Variants in HYKK observed in about 807,000 individuals in gnomAD.
HYKK encodes the protein hydroxylysine kinase.
A neutral mutation model predicts 29.7 loss-of-function variants in HYKK; 19 were observed. That is an observed-to-expected ratio of 0.64 (90% CI 0.45 to 0.94). The LOEUF is 0.94. Among genes scored for constraint, HYKK ranks in the 40% least tolerant of loss-of-function variants. The pLI, the probability that HYKK is intolerant of heterozygous loss-of-function variation, is 0.00. For missense variants in HYKK, 390 were observed against 443.4 expected (o/e 0.88, Z 1.08); for synonymous variants, 152 against 158.1 (o/e 0.96, Z 0.29).
chr15:78,511,207 A>G (rs1002633099), intron 1 of HYKK, among the ~76,000 whole-genome samples: 4 of 151,948 alleles, frequency 2.6e-5, no homozygotes, highest in African/African-American at 7.3e-5. Flanking sequence ...ATTATTTACA[A>G]CTTAGTATGA....
chr15:78,509,618 G>A (rs1227142902), intron 1 of HYKK, among the ~76,000 whole-genome samples: 1 of 152,108 alleles, frequency 6.6e-6, no homozygotes, highest in Non-Finnish European at 1.5e-5. Context: ...ATGACTCCAG[G>A]ATTTCATCTT....
chr15:78,516,155 T>C (rs2052130351), intron 3 of HYKK, among the ~76,000 whole-genome samples: 1 of 152,112 alleles, frequency 6.6e-6, no homozygotes, highest in African/African-American at 2.4e-5. Flanking sequence ...AGGTACCTTT[T>C]AGACCCACCC....
intron 3 of HYKK, among the ~76,000 whole-genome samples, chr15:78,517,071 A>G (rs2052141628): frequency 1.1e-4 from 1 of 9,484 alleles, no homozygotes; most frequent in Non-Finnish European, 1.7e-4. Flanking sequence ...TCTTGCTTGC[A>G]TCAGGTCCTT....
At chr15:78,530,654 A>G (rs1015953596) in intron 4 of HYKK, among the ~76,000 whole-genome samples, 8 of 134,954 alleles carry the variant, frequency 5.9e-5, no homozygotes, top group African/African-American at 1.5e-4. Context: ...AACCTTATTG[A>G]GCTAAAAAAT....
chr15:78,517,395 A>G (rs1418172215), intron 3 of HYKK, among the ~76,000 whole-genome samples: 8 of 151,992 alleles, frequency 5.3e-5, no homozygotes. Context: ...CCTGGCCCAC[A>G]TGGCAAAACC....
chr15:78,522,750 A>T (rs2052211101), intron 3 of HYKK, among the ~76,000 whole-genome samples: 1 of 152,038 alleles, frequency 6.6e-6, no homozygotes, highest in South Asian at 2.1e-4. Flanking sequence ...ATGGTGACAC[A>T]TGCCTGTAAT....
At chr15:78,508,880 C>CAAAAAAAAAAAAA (rs71148531) in intron 1 of HYKK, among the ~76,000 whole-genome samples, 563 of 55,556 alleles carry the variant, frequency 0.01, 74 homozygotes, top group African/African-American at 0.019. Context: ...CCTCTCTCTC[C>CAAAAAAAAAAAAA]AAAAAAAAAA....
chr15:78,521,676 A>G (rs2141359252), intron 3 of HYKK, among the ~76,000 whole-genome samples: 1 of 152,246 alleles, frequency 6.6e-6, no homozygotes, highest in African/African-American at 2.4e-5. Context: ...ACCTATATGT[A>G]TGAAGTTTTC....
At chr15:78,510,355 TTTTTTA>T (rs1555410903) in intron 1 of HYKK, among the ~76,000 whole-genome samples, 1 of 151,852 alleles carries the variant, frequency 6.6e-6, no homozygotes, top group Non-Finnish European at 1.5e-5. Context: ...GGCTAATTTT[TTTTTTA>T]TTTTTATTTT....
chr15:78,533,924 A>G lies in HYKK; in HGVS notation c.*254A>G. The stretch of plus-strand genomic sequence containing the variant: ...CTTGCCATATCTATAAAACACATAT[A>G]ATGATACCATTTTGAAGCAGATAAT... On this transcript the variant is annotated 3_prime_UTR_variant, in exon 5 of 5. Coordinates refer to ENST00000388988, the MANE Select transcript of HYKK (RefSeq NM_001013619.4). 1 of 440,642 alleles carries G rather than the reference A, an allele frequency of 2.3e-6. No homozygotes were observed. 27.3% of individuals were successfully genotyped at this position (440,642 alleles called of 1,614,324 possible).
intron 1 of HYKK, among the ~76,000 whole-genome samples, chr15:78,512,146 A>G (rs575971065): frequency 9.2e-5 from 14 of 152,296 alleles, no homozygotes; most frequent in Non-Finnish European, 1.5e-4. Context: ...TAGTTAATAC[A>G]GGGTTTTCTT....
intron 3 of HYKK, among the ~76,000 whole-genome samples, chr15:78,522,920 C>T (rs112818236): frequency 6.8e-4 from 104 of 152,012 alleles, no homozygotes; most frequent in Non-Finnish European, 1.2e-3. Flanking sequence ...GAAAGGACTC[C>T]GAGGGAGCAG....
intron 1 of HYKK, among the ~76,000 whole-genome samples, chr15:78,509,419 T>C (rs2141551483): frequency 6.6e-6 from 1 of 152,310 alleles, no homozygotes; most frequent in South Asian, 2.1e-4. Flanking sequence ...AACCTTGCTT[T>C]ACATGGCTAT....
At chr15:78,527,596 A>G in intron 4 of HYKK, 33 bp downstream of exon 4, 4 of 1,607,238 alleles carry the variant, frequency 2.5e-6, no homozygotes, top group South Asian at 1.1e-5. Context: ...ATTTTTCTTG[A>G]TATTTAAACT....
intron 3 of HYKK, among the ~76,000 whole-genome samples, chr15:78,520,220 C>A (rs1024731301): frequency 4.6e-5 from 7 of 150,574 alleles, no homozygotes; most frequent in African/African-American, 1.2e-4. Context: ...GAGCTGAGTT[C>A]TTTATTTATT....
intron 1 of HYKK, among the ~76,000 whole-genome samples, chr15:78,511,754 C>T (rs924146326): frequency 6.6e-6 from 1 of 151,746 alleles, no homozygotes; most frequent in African/African-American, 2.4e-5. Flanking sequence ...CAATTCAGGC[C>T]AGGTCCAGTG....
chr15:78,527,352 G>C, intron 3 of HYKK, 28 bp from the exon 4 acceptor site: 1 of 1,601,196 alleles, frequency 6.2e-7, no homozygotes, highest in Non-Finnish European at 8.6e-7. Context: ...TCTGTCAAGA[G>C]ACTAAGAATA....
intron 4 of HYKK, among the ~76,000 whole-genome samples, chr15:78,531,474 C>T (rs1369777227): frequency 6.6e-6 from 1 of 152,104 alleles, no homozygotes; most frequent in Non-Finnish European, 1.5e-5. Flanking sequence ...TTTAATCCTA[C>T]TATGATTACA....
At chr15:78,528,536 C>G (rs1596034266) in intron 4 of HYKK, 1 of 983,612 alleles carries the variant, frequency 1.0e-6, no homozygotes. Context: ...GGTGTGGTGG[C>G]TCCCGCCTGT....
Sources: gnomAD v4.1 joint callset for allele counts (sites outside exome capture counted in the v4.1 genomes callset) on GRCh38, gnomAD v4.1.1 for gene constraint, MANE v1.5 for transcripts, NCBI Gene and HGNC (gene_info 2026-07-23, HGNC 2026-07-21) for gene names.